Variants in ZBTB40 observed in about 807,000 individuals in gnomAD.
ZBTB40 encodes the protein zinc finger and BTB domain-containing protein 40.
Under a neutral mutation model 117.5 loss-of-function variants are expected in ZBTB40, and 60 were observed. That is an observed-to-expected ratio of 0.51 (90% CI 0.41 to 0.63). ZBTB40 has a LOEUF of 0.63. ZBTB40 is among the 30% of genes least tolerant of loss of function. The probability of loss-of-function intolerance (pLI) is 0.00; values close to 1 mark genes in which losing one functional copy is unlikely to be tolerated. For synonymous variants in ZBTB40, 525 were observed against 577.1 expected (o/e 0.91, Z 1.29); for missense variants, 1,287 against 1,498.5 (o/e 0.86, Z 2.33).
chr1:22,450,197 G>A (rs537149059), upstream of ZBTB40, among the ~76,000 whole-genome samples: 9 of 152,200 alleles, frequency 5.9e-5, no homozygotes, highest in East Asian at 1.7e-3. Flanking sequence ...CGCCTGCCTC[G>A]GCCTCCCAAA....
intron 1 of ZBTB40, among the ~76,000 whole-genome samples, chr1:22,464,745 C>G (rs1448192008): frequency 6.6e-6 from 1 of 152,194 alleles, no homozygotes; most frequent in African/African-American, 2.4e-5. Context: ...TATGCATGCA[C>G]ACATATTTTT....
At chr1:22,472,328 C>T (rs1407977482) in intron 1 of ZBTB40, among the ~76,000 whole-genome samples, 1 of 152,036 alleles carries the variant, frequency 6.6e-6, no homozygotes, top group Non-Finnish European at 1.5e-5. Context: ...GGACTATAGG[C>T]ACAGGCCACC....
chr1:22,490,903 T>C (rs987819934), intron 2 of ZBTB40, among the ~76,000 whole-genome samples: 1 of 152,238 alleles, frequency 6.6e-6, no homozygotes, highest in African/African-American at 2.4e-5. Context: ...TGTTTTGTTT[T>C]GTTTTCTCTC....
At chr1:22,483,655 G>A (rs986747391) in intron 1 of ZBTB40, among the ~76,000 whole-genome samples, 5 of 152,138 alleles carry the variant, frequency 3.3e-5, no homozygotes, top group Admixed American at 2.0e-4. Context: ...GTTGAGTTTT[G>A]AGAGTTCTTT....
chr1:22,429,111 G>A (rs1473724010), intron 1 of ZBTB40, among the ~76,000 whole-genome samples: 3 of 152,160 alleles, frequency 2.0e-5, no homozygotes, highest in African/African-American at 7.2e-5. Context: ...GGCCGGGCGC[G>A]GTGGCTCATG....
intron 1 of ZBTB40, among the ~76,000 whole-genome samples, chr1:22,481,139 C>T (rs575944400): frequency 5.3e-5 from 8 of 151,974 alleles, no homozygotes; most frequent in Non-Finnish European, 7.4e-5. Context: ...GATTTCTTTT[C>T]TTTAATTTTT....
chr1:22,429,275 G>T (rs926926979), intron 1 of ZBTB40, among the ~76,000 whole-genome samples: 2 of 152,048 alleles, frequency 1.3e-5, no homozygotes, highest in African/African-American at 4.8e-5. Flanking sequence ...CCAGCTACTC[G>T]GGAGGCTGAG....
At chr1:22,520,298 G>A in intron 14 of ZBTB40, 23 bp downstream of exon 14, 1 of 1,594,202 alleles carries the variant, frequency 6.3e-7, no homozygotes, top group South Asian at 1.1e-5. Flanking sequence ...GCCACTGGGA[G>A]CTCTTCCCCT....
intron 3 of ZBTB40, among the ~76,000 whole-genome samples, chr1:22,494,027 G>A (rs1553134661): frequency 6.6e-6 from 1 of 152,094 alleles, no homozygotes; most frequent in Non-Finnish European, 1.5e-5. Flanking sequence ...TGGGGTCATT[G>A]TGAATTAAGA....
chr1:22,485,498 AT>A (rs962114013), intron 1 of ZBTB40, among the ~76,000 whole-genome samples: 9 of 150,436 alleles, frequency 6.0e-5, no homozygotes, highest in South Asian at 4.2e-4. Flanking sequence ...TGTATTGTCT[AT>A]TTTTTTTTCT....
intron 1 of ZBTB40, among the ~76,000 whole-genome samples, chr1:22,456,915 C>G (rs904179192): frequency 2.6e-5 from 4 of 152,200 alleles, no homozygotes; most frequent in Admixed American, 2.6e-4. Context: ...TGCTTTGTTT[C>G]TAGGCATCAG....
chr1:22,526,963 A>G lies in ZBTB40; in HGVS notation c.*567A>G, dbSNP rs1639696647. 1 of 198,646 alleles carries G rather than the reference A, an allele frequency of 5.0e-6. No homozygotes were observed. Among genetic ancestry groups the G allele is most frequent in the Non-Finnish European group, 1.0e-5 (1 of 95,532 alleles). 12.3% of individuals were successfully genotyped at this position (198,646 alleles called of 1,614,324 possible). A position where few individuals can be genotyped will look rare whatever the true frequency, so the allele number is the denominator to read the frequency against. On this transcript the variant is annotated 3_prime_UTR_variant, in exon 18 of 18. Coordinates refer to ENST00000375647, the MANE Select transcript of ZBTB40 (RefSeq NM_014870.4). ...CTCTGCTGGGGTTCCCCCTCCACCC[A>G]GTGGCCACGCCCAGCACCCTATTGA... is the stretch of plus-strand genomic sequence containing the variant.
chr1:22,445,586 G>A (rs529623298), intron 1 of ZBTB40, among the ~76,000 whole-genome samples: 3 of 152,256 alleles, frequency 2.0e-5, no homozygotes, highest in East Asian at 1.9e-4. Context: ...GGCCAGGCAC[G>A]ATGGTTCATG....
chr1:22,431,384 G>GTGTATATATATATATATATA (rs1222294324), intron 1 of ZBTB40, among the ~76,000 whole-genome samples: 6 of 119,696 alleles, frequency 5.0e-5, no homozygotes, highest in African/African-American at 7.4e-5. Flanking sequence ...GTGTGTGTGT[G>GTGTATATATATATATATATA]TATATATATA....
chr1:22,447,830 A>G (rs1471843872), upstream of ZBTB40, among the ~76,000 whole-genome samples: 4 of 152,200 alleles, frequency 2.6e-5, no homozygotes, highest in African/African-American at 9.6e-5. Context: ...TCTGGTATCC[A>G]CTGGGCAAGA....
intron 7 of ZBTB40, 119 bp downstream of exon 7, chr1:22,508,256 T>C (rs1639128155): frequency 8.0e-7 from 1 of 1,255,384 alleles, no homozygotes; most frequent in East Asian, 2.5e-5. Flanking sequence ...TGTTGAGAAT[T>C]GCTAAGTAGA....
intron 1 of ZBTB40, among the ~76,000 whole-genome samples, chr1:22,477,725 A>G (rs1180484863): frequency 6.6e-6 from 1 of 152,154 alleles, no homozygotes; most frequent in Non-Finnish European, 1.5e-5. Flanking sequence ...ATTACTCATC[A>G]TAATAAATAA....
Position 22,521,565 on chromosome 1 carries a change from T to C in ZBTB40, c.3118T>C (p.Ser1040Pro). The C allele has an allele frequency of 1.2e-6, 2 of 1,614,176 alleles. No homozygotes were observed. Among genetic ancestry groups the C allele is most frequent in the Non-Finnish European group, 1.7e-6 (2 of 1,180,030 alleles). ...CGTATTTGCTGCTCAGAACCACCGA[T>C]CTTCCAAGTTCTCATCACTCCAGTG... Reference protein sequence around the residue: ...PDVFAAQNHRSSKFSSLQCSS... With the variant: ...PDVFAAQNHRPSKFSSLQCSS... The change falls in exon 15 of 18, where the codon TCT becomes CCT. Residue 1040 changes from serine to proline, a missense_variant. Ser to Pro is a moderately conservative substitution (Grantham distance 74). Transcript: ENST00000375647.
chr1:22,516,435 T>C (rs1639374718), intron 12 of ZBTB40, among the ~76,000 whole-genome samples: 1 of 149,950 alleles, frequency 6.7e-6, no homozygotes, highest in Non-Finnish European at 1.5e-5. Flanking sequence ...ACAGGAGGCA[T>C]CCATTACAGA....
Sources: allele counts gnomAD v4.1 joint callset (sites outside exome capture counted in the v4.1 genomes callset), GRCh38; gene constraint gnomAD v4.1.1; transcripts MANE v1.5; gene names NCBI Gene and HGNC (gene_info 2026-07-23, HGNC 2026-07-21).